NCKAP5: variants seen among roughly 807,000 people sequenced by gnomAD.
NCKAP5 encodes the protein NCK associated protein 5, also known as nck-associated protein 5.
Under a neutral mutation model 167.0 loss-of-function variants are expected in NCKAP5, and 92 were observed. That is an observed-to-expected ratio of 0.55 (90% CI 0.47 to 0.66). NCKAP5 has a LOEUF of 0.66. Ranked by LOEUF, NCKAP5 falls within the 30% of genes least tolerant of loss-of-function variation. NCKAP5 has a pLI of 0.00. For synonymous variants in NCKAP5, 891 were observed against 877.4 expected (o/e 1.02, Z -0.27); for missense variants, 2,378 against 2,315.0 (o/e 1.03, Z -0.56).
intron 6 of NCKAP5, among the ~76,000 whole-genome samples, chr2:133,041,481 C>G (rs2079216328): frequency 6.6e-6 from 1 of 152,058 alleles, no homozygotes; most frequent in Admixed American, 6.6e-5. Flanking sequence ...TTCCTATTAC[C>G]TATACAGATT....
At chr2:132,742,636 A>C (rs1679305543) in intron 16 of NCKAP5, among the ~76,000 whole-genome samples, 1 of 151,890 alleles carries the variant, frequency 6.6e-6, no homozygotes, top group South Asian at 2.1e-4. Context: ...AAGTTCAAAA[A>C]TGTTTTTCTC....
intron 8 of NCKAP5, among the ~76,000 whole-genome samples, chr2:132,932,488 C>A (rs1310672870): frequency 6.6e-6 from 1 of 152,038 alleles, no homozygotes; most frequent in African/African-American, 2.4e-5. Flanking sequence ...GTAGAACTGG[C>A]CACTTTTAAA....
chr2:133,363,118 G>C (rs1685232031), intron 3 of NCKAP5, among the ~76,000 whole-genome samples: 1 of 152,092 alleles, frequency 6.6e-6, no homozygotes, highest in South Asian at 2.1e-4. Context: ...GTGGGGACTA[G>C]ATGATCATTT....
chr2:133,262,635 T>A (rs16822816), intron 4 of NCKAP5, among the ~76,000 whole-genome samples: 4,364 of 152,226 alleles, frequency 0.029, 192 homozygotes, highest in African/African-American at 0.099. Context: ...CAGGAAGCAA[T>A]CCCCGTCGGG....
chr2:133,444,046 CTTTTA>C lies in NCKAP5; in HGVS notation c.69+73407_69+73411del, dbSNP rs201315325. ...CACAAATATTGTTTTTTAAAAAGTC[CTTTTA>C]TTTTTTTTTCAGTTTGCTGTATTGT... is the stretch of plus-strand genomic sequence containing the variant. On this transcript the variant is annotated intron_variant, in intron 3 of 19. Coordinates refer to ENST00000409261, the MANE Select transcript of NCKAP5 (RefSeq NM_207363.3). Among the ~76,000 whole-genome samples, 3 of 151,598 alleles carry C rather than the reference CTTTTA, an allele frequency of 2.0e-5. No individual in the cohort carries two copies. The East Asian group carries it at 5.8e-4, about 29-fold the overall frequency.
chr2:132,997,117 G>A (rs2077626503), intron 6 of NCKAP5, among the ~76,000 whole-genome samples: 1 of 152,200 alleles, frequency 6.6e-6, no homozygotes, highest in Non-Finnish European at 1.5e-5. Context: ...GATGTAGGAA[G>A]CCCATTGCAG....
At chr2:133,126,635 T>C (rs991521836) in intron 6 of NCKAP5, among the ~76,000 whole-genome samples, 26 of 152,236 alleles carry the variant, frequency 1.7e-4, no homozygotes, top group African/African-American at 6.3e-4. Context: ...TCCTTCAGTG[T>C]CTTCTATAAA....
intron 8 of NCKAP5, among the ~76,000 whole-genome samples, chr2:132,912,309 C>T (rs893559259): frequency 6.6e-6 from 1 of 152,138 alleles, no homozygotes; most frequent in African/African-American, 2.4e-5. Flanking sequence ...GTACATAATA[C>T]CATTTTATTC....
Position 132,747,171 on chromosome 2 carries a change from C to CA in NCKAP5, c.5129-15121dup, listed in dbSNP as rs140348727. Among the ~76,000 whole-genome samples the CA allele has an allele frequency of 6.4e-3, 796 of 124,052 alleles. 4 individuals are homozygous for CA. Among genetic ancestry groups the CA allele is most frequent in the African/African-American group, 0.011 (349 of 31,764 alleles). The allele number at this position is 124,052 out of a possible 152,430, so 81.4% of individuals were successfully genotyped here. A position where few individuals can be genotyped will look rare whatever the true frequency, so the allele number is the denominator to read the frequency against. On this transcript the variant is annotated intron_variant, in intron 16 of 19. Transcript: ENST00000409261. Reference sequence around the variant, plus strand: ...TTTAAACATTTTATACTCAGCCTGCCAAAAAAAAAAAACAAAACAAAGAAA... The same window carrying CA: ...TTTAAACATTTTATACTCAGCCTGCCAAAAAAAAAAAAACAAAACAAAGAAA...
At chr2:132,794,263 T>TATAGGGAGAGAG (rs762281677) in intron 12 of NCKAP5, among the ~76,000 whole-genome samples, 1 of 11,892 alleles carries the variant, frequency 8.4e-5, no homozygotes, top group African/African-American at 2.3e-4. Flanking sequence ...TATATATATA[T>TATAGGGAGAGAG]AGAGAGAGAG....
At chr2:133,550,726 T>C (rs1355146720) in intron 2 of NCKAP5, among the ~76,000 whole-genome samples, 1 of 129,700 alleles carries the variant, frequency 7.7e-6, no homozygotes, top group Non-Finnish European at 1.6e-5. Flanking sequence ...CTATTCAACA[T>C]AGTGTTGGAA....
At chr2:133,651,319 A>C in the NCKAP5 span, among the ~76,000 whole-genome samples, 1 of 152,204 alleles carries the variant, frequency 6.6e-6, no homozygotes, top group African/African-American at 2.4e-5. Flanking sequence ...ACTAAAACTA[A>C]TAACCTGACT....
At chr2:133,065,355 G>T (rs1355141694) in intron 6 of NCKAP5, among the ~76,000 whole-genome samples, 1 of 152,188 alleles carries the variant, frequency 6.6e-6, no homozygotes, top group African/African-American at 2.4e-5. Flanking sequence ...GGCCAGGCAT[G>T]GTGGCTTATG....
intron 3 of NCKAP5, among the ~76,000 whole-genome samples, chr2:133,477,527 C>T (rs1005594084): frequency 9.2e-5 from 14 of 152,188 alleles, no homozygotes; most frequent in African/African-American, 3.1e-4. Flanking sequence ...CCTGAAACCT[C>T]AAGTAGAACC....
At position 132,741,231 on chromosome 2, in the gene NCKAP5, T is replaced by C. The variant is rs375694671; in HGVS notation, c.5129-9180A>G. Among the ~76,000 whole-genome samples the C allele has an allele frequency of 3.0e-3, 461 of 152,234 alleles. 5 individuals are homozygous for C. The highest frequency in any genetic ancestry group is 0.011 in the African/African-American group (443 of 41,570). ...TGGTCTAGTATTCCAGAATATGTTA[T>C]GCAATTTTCCAAACACTTCTAGATT... On this transcript the variant is annotated intron_variant, in intron 16 of 19. Transcript: ENST00000409261.
chr2:133,138,891 C>A (rs2082895148), intron 5 of NCKAP5, among the ~76,000 whole-genome samples: 1 of 152,170 alleles, frequency 6.6e-6, no homozygotes, highest in African/African-American at 2.4e-5. Context: ...GCTGCTCCTA[C>A]CCCCTGCATG....
At chr2:133,455,354 C>A (rs1691783644) in intron 3 of NCKAP5, among the ~76,000 whole-genome samples, 1 of 152,036 alleles carries the variant, frequency 6.6e-6, no homozygotes, top group African/African-American at 2.4e-5. Context: ...CCCTTCTAGG[C>A]CTTATTGTAG....
intron 7 of NCKAP5, among the ~76,000 whole-genome samples, chr2:132,979,964 A>G (rs766174614): frequency 5.1e-4 from 77 of 151,190 alleles, no homozygotes; most frequent in African/African-American, 1.8e-3. Context: ...TTGCAGTACA[A>G]TGATTTTTTT....
intron 8 of NCKAP5, among the ~76,000 whole-genome samples, chr2:132,912,796 T>G (rs1432044852): frequency 6.6e-6 from 1 of 152,226 alleles, no homozygotes; most frequent in Non-Finnish European, 1.5e-5. Context: ...CCACTTCTTC[T>G]ATTGAGGCTT....
Sources: allele counts gnomAD v4.1 joint callset (sites outside exome capture counted in the v4.1 genomes callset), GRCh38; gene constraint gnomAD v4.1.1; transcripts MANE v1.5; gene names NCBI Gene and HGNC (gene_info 2026-07-23, HGNC 2026-07-21).